Variants in SLC13A1 observed in about 807,000 individuals in gnomAD.
The protein encoded by SLC13A1 is Na(+)/sulfate cotransporter.
SLC13A1 carries 65 observed loss-of-function variants against 70.0 expected under a neutral mutation model. The ratio of observed to expected loss-of-function variants is 0.93; its 90% CI spans 0.76 to 1.14. The LOEUF is 1.14. SLC13A1 is among the 50% of genes most tolerant of loss of function. The pLI is 0.00. For missense variants in SLC13A1, 726 were observed against 717.8 expected, an observed-to-expected ratio of 1.01 and a Z score of -0.13; for synonymous variants, 275 against 250.5, an observed-to-expected ratio of 1.10 and a Z score of -0.92.
At chr7:123,139,266 T>A (rs1336339520) in intron 7 of SLC13A1, among the ~76,000 whole-genome samples, 3 of 152,088 alleles carry the variant, frequency 2.0e-5, no homozygotes, top group African/African-American at 7.2e-5. Context: ...TCTGTTCCAT[T>A]GGTCTATGTG....
chr7:123,178,394 C>T (rs974940719), intron 2 of SLC13A1, among the ~76,000 whole-genome samples: 12 of 152,012 alleles, frequency 7.9e-5, no homozygotes, highest in African/African-American at 2.9e-4. Flanking sequence ...AAAGATGTTG[C>T]AGTGGGCAGG....
chr7:123,159,036 A>C (rs1794801454), intron 6 of SLC13A1, among the ~76,000 whole-genome samples: 1 of 152,096 alleles, frequency 6.6e-6, no homozygotes, highest in African/African-American at 2.4e-5. Context: ...CAGAGCACTG[A>C]TTTTAAAAAA....
chr7:123,146,417 C>T (rs936595493), intron 7 of SLC13A1, among the ~76,000 whole-genome samples: 2 of 152,116 alleles, frequency 1.3e-5, no homozygotes, highest in African/African-American at 4.8e-5. Context: ...CCCAGCTACT[C>T]GGGAGGCTGA....
rs539864367 is a variant in SLC13A1, at chr7:123,120,912, C to T, written c.1351-1670G>A. 3.3e-5 allele frequency among the ~76,000 whole-genome samples: 5 copies of T among 152,148 alleles called. No homozygotes were observed. The South Asian group carries it at 1.0e-3, about 32-fold the overall frequency. ...GCCACTGAAATCATATCTTCATCCC[C>T]ACAGTTCCAAAATTCTACATAAAGT... is the stretch of plus-strand genomic sequence containing the variant. On this transcript the variant is annotated intron_variant, in intron 12 of 14. Transcript: ENST00000194130.
intron 7 of SLC13A1, among the ~76,000 whole-genome samples, chr7:123,138,860 T>G (rs938025451): frequency 2.0e-5 from 3 of 152,096 alleles, no homozygotes; most frequent in Non-Finnish European, 2.9e-5. Context: ...TCTCATTCCG[T>G]GGATTTATCT....
chr7:123,118,448 TC>T (rs1793254762), intron 13 of SLC13A1, among the ~76,000 whole-genome samples: 1 of 152,178 alleles, frequency 6.6e-6, no homozygotes, highest in Non-Finnish European at 1.5e-5. Context: ...TAAAGTGCTT[TC>T]CTTTCACCAA....
At chr7:123,191,380 G>T (rs746231011) in intron 1 of SLC13A1, among the ~76,000 whole-genome samples, 3 of 152,094 alleles carry the variant, frequency 2.0e-5, no homozygotes, top group Non-Finnish European at 4.4e-5. Flanking sequence ...CCTGACTCTG[G>T]TCCCTGAATG....
intron 1 of SLC13A1, among the ~76,000 whole-genome samples, chr7:123,196,401 G>A (rs139853031): frequency 1.0e-3 from 157 of 152,152 alleles, no homozygotes; most frequent in African/African-American, 3.6e-3. Flanking sequence ...TTATGACCAC[G>A]GAAGCTATAA....
chr7:123,178,935 T>C (rs865887219), intron 2 of SLC13A1, among the ~76,000 whole-genome samples: 1 of 152,146 alleles, frequency 6.6e-6, no homozygotes, highest in African/African-American at 2.4e-5. Flanking sequence ...AATAATAACA[T>C]TGGCTAACAT....
chr7:123,150,594 A>G (rs1794521243), intron 6 of SLC13A1, among the ~76,000 whole-genome samples: 1 of 152,130 alleles, frequency 6.6e-6, no homozygotes, highest in Admixed American at 6.6e-5. Context: ...ATTTTCTTAG[A>G]CACTTCCATC....
At chr7:123,130,827 G>A (rs1394000949) in intron 8 of SLC13A1, among the ~76,000 whole-genome samples, 2 of 151,942 alleles carry the variant, frequency 1.3e-5, no homozygotes, top group African/African-American at 4.8e-5. Context: ...ATTTCCAATA[G>A]TAACTGCCAC....
At chr7:123,193,185 C>T (rs1001420420) in intron 1 of SLC13A1, among the ~76,000 whole-genome samples, 6 of 152,114 alleles carry the variant, frequency 3.9e-5, no homozygotes, top group East Asian at 1.9e-4. Context: ...GTTTGTTCAA[C>T]GTGCAGCATC....
chr7:123,125,474 CT>C (rs1158585190), intron 11 of SLC13A1, 94 bp downstream of exon 11: 4 of 867,784 alleles, frequency 4.6e-6, no homozygotes, highest in Non-Finnish European at 7.4e-6. Context: ...CCAGCATAGA[CT>C]TTCTTTCTGC....
rs7802777 is a variant in SLC13A1 at position 123,186,757 on chromosome 7, C to T, written c.100-5656G>A. ...TCGTTATTACAACTTACTCTGCAAC[C>T]GTAACAAGTAAACGTTTTAATCACA... is the stretch of plus-strand genomic sequence containing the variant. On this transcript the variant is annotated intron_variant, in intron 1 of 14. Transcript: ENST00000194130. The T allele has an allele frequency of 8.3e-5, 38 of 455,240 alleles. 1 individual carries two copies. The Middle Eastern group carries it at 6.8e-3, about 82-fold the overall frequency. The allele number at this position is 455,240 out of a possible 1,614,324, so 28.2% of individuals were successfully genotyped here.
intron 10 of SLC13A1, among the ~76,000 whole-genome samples, chr7:123,128,634 CA>C (rs1369248463): frequency 1.3e-5 from 2 of 152,148 alleles, no homozygotes; most frequent in African/African-American, 2.4e-5. Context: ...CTTTCAGTAA[CA>C]GAGTAAGTAA....
At chr7:123,197,388 T>C (rs1421561943) in intron 1 of SLC13A1, among the ~76,000 whole-genome samples, 2 of 152,124 alleles carry the variant, frequency 1.3e-5, no homozygotes. Context: ...ATATTGTGTC[T>C]TTAGAAGCAT....
At chr7:123,175,651 T>G (rs1381483683) in intron 2 of SLC13A1, among the ~76,000 whole-genome samples, 1 of 152,180 alleles carries the variant, frequency 6.6e-6, no homozygotes, top group Non-Finnish European at 1.5e-5. Context: ...AGTGCCTTGA[T>G]CTTGGACTTC....
chr7:123,142,541 C>A (rs1794191189), intron 7 of SLC13A1, among the ~76,000 whole-genome samples: 1 of 152,050 alleles, frequency 6.6e-6, no homozygotes. Context: ...GCTAAGAATG[C>A]ACTGATTCTC....
intron 7 of SLC13A1, among the ~76,000 whole-genome samples, chr7:123,143,732 G>C (rs750640648): frequency 7.9e-5 from 12 of 152,106 alleles, no homozygotes; most frequent in Non-Finnish European, 1.8e-4. Flanking sequence ...GTGCTTTTCT[G>C]TATGTAGATA....
Sources: gnomAD v4.1 joint callset for allele counts (sites outside exome capture counted in the v4.1 genomes callset) on GRCh38, gnomAD v4.1.1 for gene constraint, MANE v1.5 for transcripts, NCBI Gene and HGNC (gene_info 2026-07-23, HGNC 2026-07-21) for gene names.